Variants in ZEB1 observed in about 807,000 individuals in gnomAD.
ZEB1 encodes the protein zinc finger E-box binding homeobox 1.
Under a neutral mutation model 84.9 loss-of-function variants are expected in ZEB1, and 21 were observed. The ratio of observed to expected loss-of-function variants is 0.25; its 90% confidence interval spans 0.18 to 0.36. The LOEUF is 0.36. Among genes scored for constraint, ZEB1 ranks in the 10% least tolerant of loss-of-function variants. The pLI is 1.00. For missense variants in ZEB1, 1,104 were observed against 1,330.2 expected (o/e 0.83, Z 2.65); for synonymous variants, 420 against 471.1 (o/e 0.89, Z 1.41).
At chr10:31,424,667 T>C (rs1057088610) in intron 1 of ZEB1, among the ~76,000 whole-genome samples, 1 of 151,998 alleles carries the variant, frequency 6.6e-6, no homozygotes, top group Non-Finnish European at 1.5e-5. Flanking sequence ...TAATAGGTTA[T>C]TGGAACTTGA....
At chr10:31,323,394 T>C (rs767051450) in intron 1 of ZEB1, among the ~76,000 whole-genome samples, 19 of 152,098 alleles carry the variant, frequency 1.2e-4, no homozygotes, top group Non-Finnish European at 2.1e-4. Flanking sequence ...ATATAACTTA[T>C]GTAGACTTAG....
At chr10:31,473,005 A>G (rs1288749731) in intron 2 of ZEB1, among the ~76,000 whole-genome samples, 3 of 140,390 alleles carry the variant, frequency 2.1e-5, no homozygotes, top group African/African-American at 9.1e-5. Flanking sequence ...ACAAAATTCA[A>G]CAACCCTTCA....
chr10:31,353,422 T>C (rs1456037019), intron 1 of ZEB1, among the ~76,000 whole-genome samples: 1 of 152,222 alleles, frequency 6.6e-6, no homozygotes, highest in African/African-American at 2.4e-5. Flanking sequence ...TATAAACCAC[T>C]GTATATAGGC....
upstream of ZEB1, chr10:31,318,700 G>A (rs892443448): frequency 1.7e-4 from 27 of 161,598 alleles, no homozygotes; most frequent in Middle Eastern, 3.2e-3. Flanking sequence ...GGGTGCGGGG[G>A]GCGGACACGC....
upstream of ZEB1, chr10:31,319,021 G>GC: frequency 3.2e-6 from 2 of 621,304 alleles, no homozygotes; most frequent in Admixed American, 4.5e-5. Flanking sequence ...ATTCAGCAGT[G>GC]CCCACGGTTG....
chr10:31,412,825 A>G (rs1564772327), intron 1 of ZEB1, among the ~76,000 whole-genome samples: 1 of 152,178 alleles, frequency 6.6e-6, no homozygotes, highest in African/African-American at 2.4e-5. Context: ...ATCTGGCTGA[A>G]AGTTTAAGCA....
At position 31,521,296 on chromosome 10, in the gene ZEB1, T is replaced by G; in HGVS notation, c.1964T>G (p.Ile655Ser). 1 of 1,613,938 alleles carries G rather than the reference T, an allele frequency of 6.2e-7. No homozygotes were observed. Among genetic ancestry groups the G allele is most frequent in the Non-Finnish European group, 8.5e-7 (1 of 1,179,988 alleles). The change falls in exon 7 of 9, where the codon ATC (isoleucine) becomes AGC (serine). Residue 655 changes from isoleucine to serine, a missense_variant. Physicochemically the swap from Ile to Ser is moderately radical, Grantham distance 142. Around this residue, in one of 7 missense-constraint regions of ZEB1, gnomAD observed 531 missense variants for 575.2 expected, o/e 0.92. Transcript: ENST00000424869. The stretch of plus-strand genomic sequence containing the variant: ...TCTCCTGAACCAGGCAAAGTAAATA[T>G]CCCTGCCAAGAACAATGATCAGCCT... The part of the protein sequence containing the change: ...PSSPEPGKVN[I>S]PAKNNDQPQS...
At chr10:31,387,362 G>A (rs973534071) in intron 1 of ZEB1, 31 of 957,136 alleles carry the variant, frequency 3.2e-5, no homozygotes, top group Non-Finnish European at 3.7e-5. Flanking sequence ...ACCTTCAGAC[G>A]TTCGCACAGA....
intron 1 of ZEB1, among the ~76,000 whole-genome samples, chr10:31,357,038 T>C (rs1003165642): frequency 1.3e-5 from 2 of 152,206 alleles, no homozygotes; most frequent in African/African-American, 2.4e-5. Flanking sequence ...TGTTGTTTTA[T>C]AGCCTTGACC....
chr10:31,348,611 C>G (rs984046271), intron 1 of ZEB1, among the ~76,000 whole-genome samples: 1 of 151,866 alleles, frequency 6.6e-6, no homozygotes, highest in Non-Finnish European at 1.5e-5. Context: ...AAAATTATGT[C>G]AGATAGACAC....
At chr10:31,409,043 T>A (rs2053702842) in intron 1 of ZEB1, among the ~76,000 whole-genome samples, 1 of 151,842 alleles carries the variant, frequency 6.6e-6, no homozygotes, top group South Asian at 2.1e-4. Context: ...TCAAATAAAT[T>A]TACAAGAAAA....
intron 1 of ZEB1, among the ~76,000 whole-genome samples, chr10:31,373,595 A>G (rs1391451884): frequency 1.3e-5 from 2 of 151,818 alleles, no homozygotes; most frequent in African/African-American, 4.8e-5. Context: ...AGTCTGTTGA[A>G]TGCTGTTTGG....
chr10:31,524,341 C>A (rs1051712625), intron 8 of ZEB1, among the ~76,000 whole-genome samples: 2 of 152,062 alleles, frequency 1.3e-5, no homozygotes, highest in Non-Finnish European at 2.9e-5. Flanking sequence ...ATCTCAGCCT[C>A]CTGAGTAGCT....
At chr10:31,356,216 G>T (rs1333795530) in intron 1 of ZEB1, among the ~76,000 whole-genome samples, 1 of 151,928 alleles carries the variant, frequency 6.6e-6, no homozygotes, top group Non-Finnish European at 1.5e-5. Context: ...AATAATTTTT[G>T]AATTGTGCTA....
At chr10:31,423,850 G>C (rs1051989464) in intron 1 of ZEB1, among the ~76,000 whole-genome samples, 3 of 151,946 alleles carry the variant, frequency 2.0e-5, no homozygotes, top group African/African-American at 7.2e-5. Flanking sequence ...AGAAATTTTA[G>C]GAGTATGCTA....
At chr10:31,459,822 T>C (rs538308170) in intron 1 of ZEB1, among the ~76,000 whole-genome samples, 40 of 145,742 alleles carry the variant, frequency 2.7e-4, no homozygotes, top group African/African-American at 8.0e-4. Flanking sequence ...TTCCTTCGTG[T>C]TCTCAGGAGT....
Position 31,321,159 on chromosome 10 carries a change from A to G in ZEB1, c.58+1867A>G, listed in dbSNP as rs1398733899. 4.7e-6 allele frequency: 5 copies of G among 1,065,216 alleles called. No individual in the cohort carries two copies. In the African/African-American group the frequency reaches 6.8e-5, roughly 14 times the overall value. The allele number at this position is 1,065,216 out of a possible 1,614,324, so 66.0% of individuals were successfully genotyped here. On this transcript the variant is annotated intron_variant, in intron 1 of 8. Coordinates refer to ENST00000424869, the MANE Select transcript of ZEB1 (RefSeq NM_001174096.2). ...CTTTCTCCCTCCCCTCTGGGATGCG[A>G]AACGCGAGGTTTTGTAACCTTTCCT...
intron 5 of ZEB1, among the ~76,000 whole-genome samples, chr10:31,511,103 A>G (rs1184624109): frequency 6.6e-6 from 1 of 152,232 alleles, no homozygotes; most frequent in Admixed American, 6.5e-5. Context: ...TATTTTGTTC[A>G]GGTAAGACCC....
chr10:31,444,627 C>A (rs1198680167), intron 1 of ZEB1, among the ~76,000 whole-genome samples: 3 of 151,966 alleles, frequency 2.0e-5, no homozygotes, highest in African/African-American at 7.3e-5. Context: ...CAGCTTTCTA[C>A]ATATGGCTAG....
Sources: gnomAD v4.1 joint callset for allele counts (sites outside exome capture counted in the v4.1 genomes callset) on GRCh38, gnomAD v4.1.1 for gene constraint, gnomAD v4.1.1 regional missense constraint, MANE v1.5 for transcripts, NCBI Gene and HGNC (gene_info 2026-07-23, HGNC 2026-07-21) for gene names.